EXD1: variants seen among roughly 807,000 people sequenced by gnomAD.
EXD1 encodes piRNA biogenesis protein EXD1.
A neutral mutation model predicts 49.1 loss-of-function variants in EXD1; 63 were observed. That is an observed-to-expected ratio of 1.28 (90% CI 1.05 to 1.58). The LOEUF is 1.58. Among genes scored for constraint, EXD1 ranks in the 40% most tolerant of loss-of-function variants. The probability of loss-of-function intolerance (pLI) is 0.00; values close to 1 mark genes in which losing one functional copy is unlikely to be tolerated. For synonymous variants in EXD1, 234 were observed against 239.2 expected, an observed-to-expected ratio of 0.98 and a Z score of 0.20; for missense variants, 748 against 666.0, an observed-to-expected ratio of 1.12 and a Z score of -1.36.
Position 41,190,461 on chromosome 15 carries a change from C to G in EXD1, c.865-333G>C, listed in dbSNP as rs147735118. 4.7e-3 allele frequency: 1,270 copies of G among 271,060 alleles called. 5 individuals are homozygous for G. The highest frequency in any genetic ancestry group is 7.6e-3 in the Non-Finnish European group (1,044 of 137,654). The allele number at this position is 271,060 out of a possible 1,614,324, so 16.8% of individuals were successfully genotyped here. On this transcript the variant is annotated intron_variant, in intron 10 of 11. Coordinates refer to ENST00000458580, the MANE Select transcript of EXD1 (RefSeq NM_001286441.2). ...GCGCCACTGCACTCCAGCCTGGTGACAGAGCGAGACTCCGTCTCAAAAAAA... is the reference window on the plus strand; with the variant it reads ...GCGCCACTGCACTCCAGCCTGGTGAGAGAGCGAGACTCCGTCTCAAAAAAA...
rs755296847 is a variant in EXD1 at position 41,184,533 on chromosome 15, T to G, written c.1117A>C (p.Arg373=). The part of the protein sequence containing the change: ...LQLKDFQKQR[R]EKAAREYRVN... ...CTATATTCTCTTGCAGCTTTCTCCC[T>G]GCGCTGCTTCTGGAAGTCCTTGAGT... is the stretch of plus-strand genomic sequence containing the variant. Residue 373 remains arginine (R), a synonymous_variant, in exon 12 of 12, where the codon AGG becomes CGG. Coordinates refer to ENST00000458580, the MANE Select transcript of EXD1 (RefSeq NM_001286441.2). The G allele has an allele frequency of 6.2e-7, 1 of 1,611,950 alleles. No individual in the cohort carries two copies. Among genetic ancestry groups the G allele is most frequent in the East Asian group, 2.2e-5 (1 of 44,894 alleles).
intron 6 of EXD1, 50 bp downstream of exon 6, chr15:41,215,725 A>G (rs1250701292): frequency 6.5e-7 from 1 of 1,542,100 alleles, no homozygotes; most frequent in South Asian, 1.1e-5. Context: ...ACACACAGAC[A>G]TGATACCTAC....
chr15:41,230,306 C>G (rs555283885), intron 1 of EXD1, among the ~76,000 whole-genome samples, 173 bp downstream of exon 1: 2 of 152,088 alleles, frequency 1.3e-5, no homozygotes, highest in African/African-American at 4.8e-5. Flanking sequence ...TGGTCTCGAA[C>G]TCACGACCTC....
intron 11 of EXD1, among the ~76,000 whole-genome samples, chr15:41,187,520 T>C (rs2046432383): frequency 6.6e-6 from 1 of 152,188 alleles, no homozygotes. Context: ...ATATGTTTTA[T>C]TATGTTAGAA....
intron 9 of EXD1, among the ~76,000 whole-genome samples, chr15:41,194,279 G>C (rs1232044289): frequency 6.6e-6 from 1 of 152,092 alleles, no homozygotes; most frequent in Non-Finnish European, 1.5e-5. Flanking sequence ...CCAAAGTGTT[G>C]GGATTACAGG....
At chr15:41,204,862 T>C (rs1595442376) in intron 7 of EXD1, among the ~76,000 whole-genome samples, 2 of 152,278 alleles carry the variant, frequency 1.3e-5, no homozygotes, top group East Asian at 1.9e-4. Flanking sequence ...CCCACCTTAT[T>C]TGACAGTAGG....
At chr15:41,200,078 G>C (rs1006670849) in intron 7 of EXD1, among the ~76,000 whole-genome samples, 1 of 151,098 alleles carries the variant, frequency 6.6e-6, no homozygotes, top group Non-Finnish European at 1.5e-5. Context: ...TAATTTTTTT[G>C]TATTTTGTTT....
intron 1 of EXD1, among the ~76,000 whole-genome samples, chr15:41,228,701 A>G (rs1416496634): frequency 1.3e-5 from 2 of 152,076 alleles, no homozygotes; most frequent in African/African-American, 4.8e-5. Context: ...GGCAAACATT[A>G]TTTTTATTTT....
intron 11 of EXD1, among the ~76,000 whole-genome samples, chr15:41,188,688 G>C (rs1157747690): frequency 6.6e-6 from 1 of 151,818 alleles, no homozygotes; most frequent in Non-Finnish European, 1.5e-5. Context: ...CACCGTACCT[G>C]GCCCTGGCCC....
chr15:41,205,032 T>C (rs75205203), intron 7 of EXD1, among the ~76,000 whole-genome samples: 3,085 of 152,320 alleles, frequency 0.02, 52 homozygotes, highest in Non-Finnish European at 0.029. Flanking sequence ...TATTTCTCCA[T>C]AGCTGTCCAT....
intron 7 of EXD1, among the ~76,000 whole-genome samples, chr15:41,207,153 A>C (rs2046842842): frequency 6.6e-6 from 1 of 151,194 alleles, no homozygotes; most frequent in Non-Finnish European, 1.5e-5. Context: ...AGGCAGGAGA[A>C]TCGCTTGAAC....
intron 6 of EXD1, 79 bp downstream of exon 6, chr15:41,215,696 A>T: frequency 1.4e-6 from 2 of 1,401,206 alleles, no homozygotes; most frequent in Non-Finnish European, 2.0e-6. Context: ...AAAAAAAAAA[A>T]GAAAGAAAGA....
intron 10 of EXD1, among the ~76,000 whole-genome samples, chr15:41,190,808 G>C (rs905531114): frequency 6.6e-6 from 1 of 152,148 alleles, no homozygotes; most frequent in African/African-American, 2.4e-5. Context: ...GAAATAACTA[G>C]GGTGATTTTG....
chr15:41,203,263 C>T (rs2046762556), intron 7 of EXD1, among the ~76,000 whole-genome samples: 2 of 152,062 alleles, frequency 1.3e-5, no homozygotes, highest in Non-Finnish European at 2.9e-5. Context: ...AATCCTCCCC[C>T]ATTCCTCTCC....
chr15:41,217,262 G>C (rs1000977312), intron 3 of EXD1, 108 bp from the exon 4 acceptor site: 1 of 875,570 alleles, frequency 1.1e-6, no homozygotes, highest in Non-Finnish European at 1.8e-6. Flanking sequence ...ACAATAATTG[G>C]AAATGACATG....
intron 6 of EXD1, among the ~76,000 whole-genome samples, chr15:41,215,471 G>C (rs2046985423): frequency 1.3e-5 from 2 of 152,132 alleles, no homozygotes; most frequent in Admixed American, 6.6e-5. Flanking sequence ...TGGATCACGA[G>C]GTCAGGAGAT....
intron 7 of EXD1, among the ~76,000 whole-genome samples, chr15:41,199,748 T>TATATAATATATC (rs2046688137): frequency 1.8e-4 from 2 of 10,848 alleles, no homozygotes; most frequent in East Asian, 0.025. Context: ...TGTCATATAT[T>TATATAATATATC]ATATATGATA....
intron 9 of EXD1, among the ~76,000 whole-genome samples, chr15:41,193,708 T>C (rs2046567395): frequency 6.6e-6 from 1 of 151,924 alleles, no homozygotes; most frequent in Non-Finnish European, 1.5e-5. Flanking sequence ...ATCATGCCAC[T>C]TCACTCCAGC....
chr15:41,227,256 C>T (rs569968165), intron 1 of EXD1, among the ~76,000 whole-genome samples: 32 of 152,288 alleles, frequency 2.1e-4, no homozygotes, highest in African/African-American at 6.7e-4. Flanking sequence ...GACAGTTTCC[C>T]ATAACTTGGG....
Sources: gnomAD v4.1 joint callset for allele counts (sites outside exome capture counted in the v4.1 genomes callset) on GRCh38, gnomAD v4.1.1 for gene constraint, MANE v1.5 for transcripts, NCBI Gene and HGNC (gene_info 2026-07-23, HGNC 2026-07-21) for gene names.